The following SLC2A5 variants were observed in gnomAD, a reference collection of about 807,000 sequenced individuals.
The protein encoded by SLC2A5 is solute carrier family 2, facilitated glucose transporter member 5.
Under a neutral mutation model 50.3 loss-of-function variants are expected in SLC2A5, and 56 were observed. That is an observed-to-expected ratio of 1.11 (90% CI 0.90 to 1.39). SLC2A5 has a LOEUF of 1.39. SLC2A5 is among the 40% of genes most tolerant of loss of function. SLC2A5 has a pLI of 0.00. For synonymous variants in SLC2A5, 269 were observed against 281.9 expected (o/e 0.95, Z 0.46); for missense variants, 566 against 650.1 (o/e 0.87, Z 1.41).
At position 9,040,303 on chromosome 1, in the gene SLC2A5, C is replaced by T; in HGVS notation, c.572-114G>A. On this transcript the variant is annotated intron_variant, in intron 5 of 11. Coordinates refer to ENST00000377424, the MANE Select transcript of SLC2A5 (RefSeq NM_003039.3). This position sits in a 1 kb window ranked among gnomAD's most constrained non-coding sequence, Gnocchi z 4.3. Reference sequence around the variant, plus strand: ...GAGTGGGGTGCAGGCTCCAGGAGGGCACAGCTTTCCCAGCCCTAAGAACAG... The same window carrying T: ...GAGTGGGGTGCAGGCTCCAGGAGGGTACAGCTTTCCCAGCCCTAAGAACAG... 7.7e-7 allele frequency: 1 copy of T among 1,301,748 alleles called. No homozygotes were observed. Among genetic ancestry groups the T allele is most frequent in the East Asian group, 2.5e-5 (1 of 39,274 alleles). The allele number at this position is 1,301,748 out of a possible 1,614,324, so 80.6% of individuals were successfully genotyped here.
chr1:9,086,614 C>T (rs1288767127), intron 1 of SLC2A5, among the ~76,000 whole-genome samples: 2 of 152,148 alleles, frequency 1.3e-5, no homozygotes, highest in Admixed American at 6.5e-5. Flanking sequence ...TGGTCTTGAA[C>T]TCCTGATCTC....
At chr1:9,080,398 C>A (rs1333621167) in intron 2 of SLC2A5, among the ~76,000 whole-genome samples, 1 of 152,010 alleles carries the variant, frequency 6.6e-6, no homozygotes. Context: ...TTCTGTTTTC[C>A]ACAGTAGCTA....
Position 9,077,000 on chromosome 1 carries a change from G to C in SLC2A5, c.-58-7406C>G, listed in dbSNP as rs989584900. The stretch of plus-strand genomic sequence containing the variant: ...GATAGGGTTTCACCATGTTGGCCAG[G>C]CTGGTCTCGAACTCCTGACCTCGTG... On this transcript the variant is annotated intron_variant, in intron 2 of 5. Coordinates refer to the SLC2A5 transcript ENST00000464985. Among the ~76,000 whole-genome samples, 3 of 151,586 alleles carry C rather than the reference G, an allele frequency of 2.0e-5. No individual in the cohort carries two copies. The East Asian group carries it at 5.8e-4, about 29-fold the overall frequency.
chr1:9,038,734 C>G, intron 9 of SLC2A5, 94 bp downstream of exon 9: 1 of 1,473,326 alleles, frequency 6.8e-7, no homozygotes, highest in African/African-American at 1.4e-5. Context: ...CATTGTGACC[C>G]CTTTTATTTT....
intron 4 of SLC2A5, among the ~76,000 whole-genome samples, chr1:9,044,455 T>A (rs1641389153): frequency 1.3e-5 from 2 of 152,238 alleles, no homozygotes; most frequent in Admixed American, 1.3e-4. Context: ...GTAAAAGTCA[T>A]ACTCATCTTG....
chr1:9,038,722 C>T (rs1346278063), intron 9 of SLC2A5, 106 bp downstream of exon 9: 1 of 1,452,468 alleles, frequency 6.9e-7, no homozygotes, highest in Non-Finnish European at 9.2e-7. Context: ...GCTAAAACAG[C>T]TCATTGTGAC....
chr1:9,061,948 T>C (rs1476310582), intron 1 of SLC2A5, among the ~76,000 whole-genome samples: 1 of 152,234 alleles, frequency 6.6e-6, no homozygotes. Flanking sequence ...GATCAGGCTA[T>C]AGAGTCTCTG....
At chr1:9,064,321 G>T (rs993271922) in intron 1 of SLC2A5, among the ~76,000 whole-genome samples, 1 of 152,036 alleles carries the variant, frequency 6.6e-6, no homozygotes, top group African/African-American at 2.4e-5. Flanking sequence ...AAAAGGGAGG[G>T]GCTGAAGAGG....
chr1:9,055,747 C>G (rs776518645), intron 3 of SLC2A5, among the ~76,000 whole-genome samples: 1 of 151,790 alleles, frequency 6.6e-6, no homozygotes, highest in Non-Finnish European at 1.5e-5. Flanking sequence ...GAAACCCTGT[C>G]TCTACTAAAA....
intron 3 of SLC2A5, among the ~76,000 whole-genome samples, chr1:9,053,008 A>G (rs957459981): frequency 1.5e-5 from 2 of 135,126 alleles, no homozygotes; most frequent in African/African-American, 2.8e-5. Context: ...AATATTTTTT[A>G]AAATATATTT....
chr1:9,090,961 C>T (rs1447463250), upstream of SLC2A5, among the ~76,000 whole-genome samples: 1 of 152,158 alleles, frequency 6.6e-6, no homozygotes, highest in African/African-American at 2.4e-5. Flanking sequence ...AAAAGAAAGG[C>T]CCAATTAACA....
Position 9,057,484 on chromosome 1 carries a change from G to A in SLC2A5, c.257C>T (p.Ser86Phe). ...SMFPFGGFIGSLLVGPLVNKF... is the reference protein window; with the variant it reads ...SMFPFGGFIGFLLVGPLVNKF... ...ATTCACCAAGGGGCCGACCAGGAGG[G>A]ATCCGATAAACCCTCCAAATGGAAA... Residue 86 changes from serine (S) to phenylalanine (F), a missense_variant, in exon 3 of 12, where the codon TCC (serine) becomes TTC (phenylalanine). By Grantham distance (155) the Ser-to-Phe change is radical (BLOSUM62 -2). Transcript: ENST00000377424. The A allele has an allele frequency of 6.2e-7, 1 of 1,613,888 alleles. No individual in the cohort carries two copies. The highest frequency in any genetic ancestry group is 8.5e-7 in the Non-Finnish European group (1 of 1,179,962).
At chr1:9,063,963 G>C (rs573509330) in intron 1 of SLC2A5, among the ~76,000 whole-genome samples, 3 of 151,012 alleles carry the variant, frequency 2.0e-5, no homozygotes, top group Admixed American at 2.0e-4. Context: ...CCAAAGTGCT[G>C]GGATTACAGG....
chr1:9,057,312 A>AT, intron 3 of SLC2A5, 136 bp downstream of exon 3: 3 of 389,358 alleles, frequency 7.7e-6, no homozygotes, highest in Non-Finnish European at 1.3e-5. Context: ...AAAAAAAAAA[A>AT]AAAGAAAGAA....
intron 3 of SLC2A5, among the ~76,000 whole-genome samples, chr1:9,053,888 AT>A (rs556996954): frequency 1.4e-4 from 21 of 151,990 alleles, no homozygotes; most frequent in Admixed American, 4.6e-4. Context: ...AAATAAAAAA[AT>A]AAAATAAAAA....
At chr1:9,061,322 G>C (rs1641938502) in intron 1 of SLC2A5, among the ~76,000 whole-genome samples, 1 of 147,988 alleles carries the variant, frequency 6.8e-6, no homozygotes, top group South Asian at 2.2e-4. Flanking sequence ...CCTTCTATCT[G>C]AGTGTGATGG....
chr1:9,080,515 G>T (rs139772141), intron 2 of SLC2A5, among the ~76,000 whole-genome samples: 2 of 152,246 alleles, frequency 1.3e-5, no homozygotes, highest in African/African-American at 4.8e-5. Flanking sequence ...GTTGTTTTTG[G>T]TAGTAGCCAT....
At chr1:9,067,631 A>G (rs1642116419) in intron 1 of SLC2A5, among the ~76,000 whole-genome samples, 1 of 152,138 alleles carries the variant, frequency 6.6e-6, no homozygotes, top group Non-Finnish European at 1.5e-5. Flanking sequence ...TAGTTGTAAG[A>G]CAAACAAGAT....
chr1:9,053,544 T>A (rs56861079), intron 3 of SLC2A5, among the ~76,000 whole-genome samples: 88 of 101,844 alleles, frequency 8.6e-4, no homozygotes, highest in African/African-American at 3.0e-3. Context: ...TAATATATAT[T>A]ATATATTTAT....
Sources: allele counts gnomAD v4.1 joint callset (sites outside exome capture counted in the v4.1 genomes callset), GRCh38; gene constraint gnomAD v4.1.1; non-coding constraint Gnocchi (gnomAD v3.1); transcripts MANE v1.5; gene names NCBI Gene and HGNC (gene_info 2026-07-23, HGNC 2026-07-21).